The following DMGDH variants were observed in gnomAD, a reference collection of about 807,000 sequenced individuals.
The protein encoded by DMGDH is dimethylglycine dehydrogenase.
Under a neutral mutation model 95.2 loss-of-function variants are expected in DMGDH, and 76 were observed. That is an observed-to-expected ratio of 0.80 (90% CI 0.66 to 0.97). DMGDH has a LOEUF of 0.97. Ranked by LOEUF, DMGDH falls within the 50% of genes least tolerant of loss-of-function variation. The pLI, the probability that DMGDH is intolerant of heterozygous loss-of-function variation, is 0.00. For synonymous variants in DMGDH, 345 were observed against 377.6 expected (o/e 0.91, Z 1.00); for missense variants, 987 against 1,055.0 (o/e 0.94, Z 0.89).
At chr5:79,021,539 G>A in intron 14 of DMGDH, 2 of 1,284,916 alleles carry the variant, frequency 1.6e-6, no homozygotes, top group Non-Finnish European at 2.0e-6. Flanking sequence ...TGTGATGAAA[G>A]AGTTCTTCAG....
chr5:79,055,962 G>T, intron 2 of DMGDH, 54 bp from the exon 3 acceptor site: 2 of 1,186,164 alleles, frequency 1.7e-6, no homozygotes, highest in Non-Finnish European at 1.2e-6. Context: ...TTCTCAAAAT[G>T]TTGACAGTTT....
At chr5:79,069,450 C>T in intron 1 of DMGDH, 70 bp downstream of exon 1, 22 of 964,074 alleles carry the variant, frequency 2.3e-5, no homozygotes, top group Non-Finnish European at 2.7e-5. Context: ...ACCCCTGAGC[C>T]TGCCTCAGCC....
Position 79,069,591 on chromosome 5 carries a change from C to T in DMGDH, c.30G>A (p.Arg10=). MLRPGAQLL[R]GLLLRSCPLQ... ...GCGGGCAGCTCCGCAGCAGGAGGCC[C>T]CGCAGCAGCTGCGCGCCGGGACGGA... Residue 10 remains arginine (R), a synonymous_variant, in exon 1 of 16, where the codon CGG becomes CGA. Coordinates refer to ENST00000255189, the MANE Select transcript of DMGDH (RefSeq NM_013391.3). 7.3e-7 allele frequency: 1 copy of T among 1,366,384 alleles called. No individual in the cohort carries two copies. 84.6% of individuals were successfully genotyped at this position (1,366,384 alleles called of 1,614,324 possible). A position where few individuals can be genotyped will look rare whatever the true frequency, so the allele number is the denominator to read the frequency against.
intron 2 of DMGDH, among the ~76,000 whole-genome samples, chr5:79,057,751 A>C (rs1755073870): frequency 6.6e-6 from 1 of 152,102 alleles, no homozygotes; most frequent in Admixed American, 6.6e-5. Context: ...AGTGACCCCC[A>C]TTTTGTCTTA....
At chr5:79,041,132 C>G (rs985513611) in intron 7 of DMGDH, among the ~76,000 whole-genome samples, 1 of 152,144 alleles carries the variant, frequency 6.6e-6, no homozygotes, top group Non-Finnish European at 1.5e-5. Context: ...AATTGATCAC[C>G]AAATCTAGAT....
intron 7 of DMGDH, among the ~76,000 whole-genome samples, chr5:79,035,082 T>G (rs1242480230): frequency 6.7e-6 from 1 of 149,790 alleles, no homozygotes; most frequent in Non-Finnish European, 1.5e-5. Flanking sequence ...AAAAAAAGAC[T>G]TTCTCAAAGA....
At chr5:79,010,295 A>G (rs1480710544) in intron 14 of DMGDH, among the ~76,000 whole-genome samples, 1 of 152,212 alleles carries the variant, frequency 6.6e-6, no homozygotes, top group African/African-American at 2.4e-5. Flanking sequence ...GCTCTGAGAT[A>G]TGTAGTTAAA....
intron 5 of DMGDH, among the ~76,000 whole-genome samples, chr5:79,046,376 G>C (rs1362212263): frequency 1.3e-5 from 2 of 148,358 alleles, no homozygotes; most frequent in Non-Finnish European, 1.5e-5. Flanking sequence ...GAGCCACAAT[G>C]CTTGGCCTGT....
rs34931005 is a variant in DMGDH at position 79,061,220 on chromosome 5, AACACACACACACACAC to A, written c.276+2377_276+2392del. On this transcript the variant is annotated intron_variant, in intron 2 of 15. Transcript: ENST00000255189. ...GGTGACAGAGTGAAACTCTGTCTCA[AACACACACACACACAC>A]ACACACACACACACACACACACACA... Among the ~76,000 whole-genome samples, 31 of 141,756 alleles carry A rather than the reference AACACACACACACACAC, an allele frequency of 2.2e-4. No individual in the cohort carries two copies. The South Asian group carries it at 2.3e-3, about 11-fold the overall frequency. The allele number at this position is 141,756 out of a possible 152,430, so 93.0% of individuals were successfully genotyped here.
intron 14 of DMGDH, chr5:79,020,963 T>C (rs930998605): frequency 3.0e-6 from 3 of 985,312 alleles, no homozygotes; most frequent in Admixed American, 6.1e-5. Context: ...CTGATTTTCC[T>C]TTTGCTCTTG....
chr5:79,054,500 G>T, intron 3 of DMGDH, 152 bp from the exon 4 acceptor site: 1 of 873,832 alleles, frequency 1.1e-6, no homozygotes, highest in Non-Finnish European at 1.8e-6. Context: ...CTTATTAAAA[G>T]ACACTTATTC....
chr5:79,057,052 C>T (rs1365502284), intron 2 of DMGDH, among the ~76,000 whole-genome samples: 2 of 152,166 alleles, frequency 1.3e-5, no homozygotes, highest in South Asian at 2.1e-4. Flanking sequence ...TTAGAAAATT[C>T]CTTATCACTG....
intron 14 of DMGDH, 23 bp from the exon 15 acceptor site, chr5:79,005,430 T>A: frequency 6.2e-7 from 1 of 1,614,014 alleles, no homozygotes; most frequent in South Asian, 1.1e-5. Flanking sequence ...AAGATAATGA[T>A]GATGAATGAA....
intron 7 of DMGDH, among the ~76,000 whole-genome samples, chr5:79,040,104 G>A (rs965930686): frequency 2.0e-5 from 3 of 152,226 alleles, no homozygotes; most frequent in Admixed American, 6.5e-5. Context: ...CACCCAGTTG[G>A]TCAGAAGTAT....
At chr5:79,044,580 T>C in intron 5 of DMGDH, 28 bp from the exon 6 acceptor site, 1 of 1,612,744 alleles carries the variant, frequency 6.2e-7, no homozygotes, top group African/African-American at 1.3e-5. Context: ...TTTAAAAGTG[T>C]CAGCCCATAT....
chr5:79,038,751 C>T (rs1754418604), intron 7 of DMGDH, among the ~76,000 whole-genome samples: 4 of 152,088 alleles, frequency 2.6e-5, no homozygotes, highest in Admixed American at 1.3e-4. Context: ...AGGATGGGGG[C>T]TGGTAGCCAG....
At chr5:79,033,841 A>G (rs547781275) in intron 7 of DMGDH, among the ~76,000 whole-genome samples, 1 of 152,310 alleles carries the variant, frequency 6.6e-6, no homozygotes, top group Admixed American at 6.5e-5. Context: ...CTGAGGCAGG[A>G]GGATAACTTG....
chr5:79,060,077 C>T (rs1402894091), intron 2 of DMGDH, among the ~76,000 whole-genome samples: 2 of 152,202 alleles, frequency 1.3e-5, no homozygotes, highest in Admixed American at 1.3e-4. Context: ...GCGTAGTCAA[C>T]CTTGAAATCA....
At chr5:79,012,531 C>T (rs1753662420) in intron 14 of DMGDH, among the ~76,000 whole-genome samples, 1 of 152,162 alleles carries the variant, frequency 6.6e-6, no homozygotes, top group African/African-American at 2.4e-5. Flanking sequence ...TGTGTGGGGG[C>T]TCCAACCCCA....
Sources: allele counts gnomAD v4.1 joint callset (sites outside exome capture counted in the v4.1 genomes callset), GRCh38; gene constraint gnomAD v4.1.1; transcripts MANE v1.5; gene names NCBI Gene and HGNC (gene_info 2026-07-23, HGNC 2026-07-21).